The following CYTH1 variants were observed in gnomAD, a reference collection of about 807,000 sequenced individuals.
CYTH1 encodes the protein cytohesin-1.
In CYTH1, 18 loss-of-function variants were observed where a neutral mutation model predicts 61.8. The observed-to-expected ratio is 0.29, with a 90% CI of 0.20 to 0.43. The LOEUF is 0.43. Ranked by LOEUF, CYTH1 falls within the 20% of genes least tolerant of loss-of-function variation. The probability of loss-of-function intolerance (pLI) is 1.00; values close to 1 mark genes in which losing one functional copy is unlikely to be tolerated. For synonymous variants in CYTH1, 174 were observed against 184.3 expected (o/e 0.94, Z 0.45); for missense variants, 336 against 510.5 (o/e 0.66, Z 3.29).
At chr17:78,689,748 T>C (rs541005065) in intron 11 of CYTH1, among the ~76,000 whole-genome samples, 53 of 152,338 alleles carry the variant, frequency 3.5e-4, no homozygotes, top group Admixed American at 3.3e-4. Flanking sequence ...CTTATGTCTA[T>C]AACGGCTGCT....
chr17:78,685,131 G>A (rs568479904), intron 11 of CYTH1, among the ~76,000 whole-genome samples: 72 of 150,814 alleles, frequency 4.8e-4, no homozygotes, highest in Non-Finnish European at 8.5e-4. Context: ...TCCGGGAGGC[G>A]GAGGTTGCAG....
chr17:78,717,639 G>A lies in CYTH1; in HGVS notation c.23-7907C>T, dbSNP rs530051328. ...AGAGGACGATACATGAGCACACGGCGGGCTCTAGTCTAAAATCCTGCAACC... is the reference window on the plus strand; with the variant it reads ...AGAGGACGATACATGAGCACACGGCAGGCTCTAGTCTAAAATCCTGCAACC... On this transcript the variant is annotated intron_variant, in intron 1 of 13. Coordinates refer to ENST00000446868, the MANE Select transcript of CYTH1 (RefSeq NM_004762.6). This position sits in a 1 kb window ranked among gnomAD's most constrained non-coding sequence, Gnocchi z 4.4. Among the ~76,000 whole-genome samples, 9 of 152,194 alleles carry A rather than the reference G, an allele frequency of 5.9e-5. No individual in the cohort carries two copies. The highest frequency in any genetic ancestry group is 1.0e-4 in the Non-Finnish European group (7 of 68,034).
At chr17:78,689,583 C>A (rs933845174) in intron 11 of CYTH1, among the ~76,000 whole-genome samples, 54 of 152,310 alleles carry the variant, frequency 3.5e-4, no homozygotes, top group African/African-American at 1.2e-3. Context: ...CTGCCACTCA[C>A]CTCCCGCTGT....
intron 4 of CYTH1, 64 bp downstream of exon 4, chr17:78,702,474 C>G (rs1385777092): frequency 2.5e-5 from 38 of 1,546,092 alleles, no homozygotes; most frequent in Non-Finnish European, 3.4e-5. Context: ...TTTTTAGGGT[C>G]TATCTGAGCA....
intron 1 of CYTH1, among the ~76,000 whole-genome samples, chr17:78,770,791 G>A (rs1413824320): frequency 6.6e-6 from 1 of 152,044 alleles, no homozygotes; most frequent in Admixed American, 6.5e-5. Context: ...ACAATGCCAG[G>A]TAAGGGCACG....
intron 2 of CYTH1, chr17:78,709,118 T>C (rs1382296622): frequency 2.6e-5 from 4 of 152,860 alleles, no homozygotes; most frequent in African/African-American, 9.6e-5. Context: ...AAAATTGCTA[T>C]CACTAAGTAC....
At chr17:78,680,943 C>T in intron 12 of CYTH1, 28 bp downstream of exon 12, 2 of 1,612,246 alleles carry the variant, frequency 1.2e-6, no homozygotes. Context: ...CCTTTCTCCC[C>T]TCAAAATATC....
chr17:78,678,264 A>G (rs955859117), intron 13 of CYTH1: 4 of 152,258 alleles, frequency 2.6e-5, no homozygotes. Flanking sequence ...AACCAGCCAA[A>G]ACTGTTTTGA....
intron 1 of CYTH1, chr17:78,727,694 A>AGCCTCCTG (rs1407049870): frequency 2.1e-6 from 1 of 471,172 alleles, no homozygotes; most frequent in Non-Finnish European, 4.4e-6. Flanking sequence ...GGCCGACCCA[A>AGCCTCCTG]GCCTCCTGGC....
intron 1 of CYTH1, among the ~76,000 whole-genome samples, chr17:78,752,886 A>G (rs1038820907): frequency 1.3e-5 from 2 of 152,388 alleles, no homozygotes; most frequent in East Asian, 1.9e-4. Flanking sequence ...AGGTAGTACT[A>G]TAACGCATGA....
At chr17:78,676,532 C>T (rs1192094849) in intron 13 of CYTH1, 1 of 285,550 alleles carries the variant, frequency 3.5e-6, no homozygotes, top group East Asian at 9.8e-5. Flanking sequence ...TGCTTTGCAG[C>T]AGCGAGTGCC....
chr17:78,733,540 G>C (rs1228235544), intron 1 of CYTH1, among the ~76,000 whole-genome samples: 1 of 152,200 alleles, frequency 6.6e-6, no homozygotes, highest in Non-Finnish European at 1.5e-5. Context: ...CCTGTGCTTG[G>C]AGCTGGGATT....
At chr17:78,729,008 C>T (rs1340244865) in intron 1 of CYTH1, among the ~76,000 whole-genome samples, 2 of 152,174 alleles carry the variant, frequency 1.3e-5, no homozygotes, top group Non-Finnish European at 2.9e-5. Context: ...AAATGAAAAG[C>T]TTCTGAGTGA....
At chr17:78,709,812 G>A in intron 1 of CYTH1, 80 bp from the exon 2 acceptor site, 1 of 1,277,938 alleles carries the variant, frequency 7.8e-7, no homozygotes, top group Non-Finnish European at 1.1e-6. Context: ...CACAAAAGGA[G>A]AAAGATATCA....
At position 78,764,098 on chromosome 17, in the gene CYTH1, G is replaced by A. The variant is rs559970094; in HGVS notation, c.22+18104C>T. On this transcript the variant is annotated intron_variant, in intron 1 of 13. Transcript: ENST00000446868. ...TGCACTCCAGCCTGGGTGACAGAGC[G>A]AGAGTCTGTCTCAAAGAAAAAACAA... 1.1e-3 allele frequency among the ~76,000 whole-genome samples: 171 copies of A among 152,140 alleles called. 1 individual carries two copies. The highest frequency in any genetic ancestry group is 3.7e-3 in the African/African-American group (154 of 41,528).
chr17:78,763,142 G>A (rs754979611), intron 1 of CYTH1, among the ~76,000 whole-genome samples: 1 of 151,912 alleles, frequency 6.6e-6, no homozygotes. Flanking sequence ...TCAGGGGTTC[G>A]AGACCAGCCT....
At chr17:78,732,120 G>C (rs1191710548) in intron 1 of CYTH1, among the ~76,000 whole-genome samples, 2 of 152,150 alleles carry the variant, frequency 1.3e-5, no homozygotes, top group African/African-American at 2.4e-5. Flanking sequence ...CCCTGACTTT[G>C]TCCTCCCTTC....
chr17:78,755,201 A>C (rs2093395709), intron 1 of CYTH1, among the ~76,000 whole-genome samples: 1 of 152,146 alleles, frequency 6.6e-6, no homozygotes. Flanking sequence ...TTTGAGACAG[A>C]GTCTAGCTCT....
At chr17:78,690,663 C>A (rs1002827056) in intron 11 of CYTH1, among the ~76,000 whole-genome samples, 1 of 151,906 alleles carries the variant, frequency 6.6e-6, no homozygotes, top group South Asian at 2.1e-4. Context: ...ACCACCACTA[C>A]ACTCCAGCCT....
Sources: gnomAD v4.1 joint callset for allele counts (sites outside exome capture counted in the v4.1 genomes callset) on GRCh38, gnomAD v4.1.1 for gene constraint, Gnocchi (gnomAD v3.1) non-coding constraint, MANE v1.5 for transcripts, NCBI Gene and HGNC (gene_info 2026-07-23, HGNC 2026-07-21) for gene names.